The following SOD2 variants were observed in gnomAD, a reference collection of about 807,000 sequenced individuals.
SOD2 encodes superoxide dismutase [Mn], mitochondrial.
In SOD2, 11 loss-of-function variants were observed where a neutral mutation model predicts 27.0. The ratio of observed to expected loss-of-function variants is 0.41; its 90% CI spans 0.26 to 0.67. The LOEUF (loss-of-function observed/expected upper bound fraction) is 0.67. Ranked by LOEUF, SOD2 falls within the 30% of genes least tolerant of loss-of-function variation. The pLI is 0.34. For missense variants in SOD2, 250 were observed against 274.5 expected (o/e 0.91, Z 0.63); for synonymous variants, 105 against 103.0 (o/e 1.02, Z -0.12).
Position 159,711,884 on chromosome 6 carries a change from T to A in SOD2, c.-116+15245A>T, listed in dbSNP as rs546733666. Reference sequence around the variant, plus strand: ...AACCACCAGTCACACTGCTCTGATCTCCATAACCACCACTCACATTGCTCT... The same window carrying A: ...AACCACCAGTCACACTGCTCTGATCACCATAACCACCACTCACATTGCTCT... On this transcript the variant is annotated intron_variant, in intron 1 of 2. Coordinates refer to the SOD2 transcript ENST00000401980. Among the ~76,000 whole-genome samples, 102 of 118,634 alleles carry A rather than the reference T, an allele frequency of 8.6e-4. 2 individuals carry two copies. The highest frequency in any genetic ancestry group is 2.9e-3 in the African/African-American group (89 of 31,170). 77.8% of individuals were successfully genotyped at this position (118,634 alleles called of 152,430 possible).
At chr6:159,731,059 T>G (rs867881599), upstream of SOD2, 1 of 152,184 alleles carries the variant, frequency 6.6e-6, no homozygotes. Context: ...TAGAATCGCT[T>G]GAACCCGGGA....
chr6:159,729,712 G>A (rs1188126677), upstream of SOD2, among the ~76,000 whole-genome samples: 1 of 152,206 alleles, frequency 6.6e-6, no homozygotes, highest in Non-Finnish European at 1.5e-5. Flanking sequence ...GCAGATAGAG[G>A]ATAAGGAAAA....
intron 1 of SOD2, among the ~76,000 whole-genome samples, chr6:159,733,909 T>TC (rs1006867110): frequency 2.6e-5 from 4 of 151,930 alleles, no homozygotes; most frequent in Non-Finnish European, 4.4e-5. Context: ...AGAGCGAAAC[T>TC]CCATCTCCAA....
In SOD2 at chr6:159,720,847, C is replaced by CTTTTTTT. The variant is rs763455003; in HGVS notation, c.-116+6275_-116+6281dup. The stretch of plus-strand genomic sequence containing the variant: ...CACTATACAGGTGTATTTTCTTTAC[C>CTTTTTTT]TTTTTTTTTTTTTTTTTTTTTTTTT... On this transcript the variant is annotated intron_variant, in intron 1 of 2. Transcript: ENST00000401980. Among the ~76,000 whole-genome samples, 109 of 59,964 alleles carry CTTTTTTT rather than the reference C, an allele frequency of 1.8e-3. 23 individuals carry two copies. Among genetic ancestry groups the CTTTTTTT allele is most frequent in the African/African-American group, 5.3e-3 (82 of 15,488 alleles). The allele number at this position is 59,964 out of a possible 152,430, so 39.3% of individuals were successfully genotyped here. A position where few individuals can be genotyped will look rare whatever the true frequency, so the allele number is the denominator to read the frequency against.
At chr6:159,710,507 A>T (rs1357415182) in intron 1 of SOD2, among the ~76,000 whole-genome samples, 1 of 151,948 alleles carries the variant, frequency 6.6e-6, no homozygotes, top group African/African-American at 2.4e-5. Context: ...AGAATAAATT[A>T]TATTTCTCAT....
chr6:159,709,178 A>G (rs567809425), intron 1 of SOD2, among the ~76,000 whole-genome samples: 11 of 152,106 alleles, frequency 7.2e-5, no homozygotes, highest in Non-Finnish European at 1.6e-4. Context: ...AGAAAACCTA[A>G]GCAATACCAT....
At chr6:159,729,555 TATG>T (rs1337739876), upstream of SOD2, among the ~76,000 whole-genome samples, 1 of 147,768 alleles carries the variant, frequency 6.8e-6, no homozygotes, top group Non-Finnish European at 1.5e-5. Flanking sequence ...ATGTTCATAT[TATG>T]TTCATATTTT....
At chr6:159,687,162 T>C (rs560725672) in intron 3 of SOD2, among the ~76,000 whole-genome samples, 2 of 152,274 alleles carry the variant, frequency 1.3e-5, no homozygotes, top group African/African-American at 4.8e-5. Context: ...AACTATCTAA[T>C]CCAGGCCCTA....
chr6:159,719,949 C>G (rs1357428954), intron 1 of SOD2, among the ~76,000 whole-genome samples: 1 of 150,352 alleles, frequency 6.7e-6, no homozygotes, highest in Admixed American at 6.6e-5. Context: ...GTCTCGAACT[C>G]CCGACCTCAA....
chr6:159,752,547 A>T (rs1779859786), intron 1 of SOD2, among the ~76,000 whole-genome samples: 1 of 152,206 alleles, frequency 6.6e-6, no homozygotes, highest in African/African-American at 2.4e-5. Context: ...ATCTGTGGAA[A>T]GTGTGACACT....
At chr6:159,727,470 G>A, upstream of SOD2, 1 of 993,238 alleles carries the variant, frequency 1.0e-6, no homozygotes, top group Non-Finnish European at 1.2e-6. Flanking sequence ...GCGGAGCCGT[G>A]CGGCGGGGCG....
At chr6:159,733,861 A>G (rs543524525) in intron 1 of SOD2, among the ~76,000 whole-genome samples, 1 of 152,306 alleles carries the variant, frequency 6.6e-6, no homozygotes, top group Non-Finnish European at 1.5e-5. Context: ...GGTTGCGGTG[A>G]GCCGAGATCG....
intron 1 of SOD2, among the ~76,000 whole-genome samples, chr6:159,721,529 C>T (rs1261793528): frequency 4.0e-5 from 6 of 151,792 alleles, no homozygotes; most frequent in East Asian, 3.9e-4. Flanking sequence ...CCACCATGCC[C>T]GGCTAATTTT....
At chr6:159,690,695 T>C (rs1029862704) in intron 2 of SOD2, among the ~76,000 whole-genome samples, 7 of 152,306 alleles carry the variant, frequency 4.6e-5, no homozygotes, top group African/African-American at 1.4e-4. Flanking sequence ...ACTTTTCTAT[T>C]GTTTTTTAAT....
chr6:159,727,374 T>TGGCACGAGGCGGGAGGCGGGA (rs776889635), upstream of SOD2: 1 of 1,021,480 alleles, frequency 9.8e-7, no homozygotes, highest in Admixed American at 3.7e-5. Context: ...GCGGGGAGGC[T>TGGCACGAGGCGGGAGGCGGGA]GGCGGGAGGC....
chr6:159,683,556 T>C (rs1483670623), intron 4 of SOD2, among the ~76,000 whole-genome samples: 1 of 152,188 alleles, frequency 6.6e-6, no homozygotes, highest in Non-Finnish European at 1.5e-5. Flanking sequence ...TATGTCTTGA[T>C]CAGTTGTGAG....
At chr6:159,749,264 TA>T (rs1779735157), upstream of SOD2, 1 of 985,716 alleles carries the variant, frequency 1.0e-6, no homozygotes, top group Admixed American at 6.2e-5. Context: ...CTCACTGCAT[TA>T]TTTTTTTTAG....
chr6:159,734,536 G>A (rs1185338854), intron 1 of SOD2, among the ~76,000 whole-genome samples: 1 of 152,184 alleles, frequency 6.6e-6, no homozygotes, highest in East Asian at 1.9e-4. Flanking sequence ...CTAGGGCTGG[G>A]CGTGATCCTT....
In SOD2 at chr6:159,674,799, G is replaced by C. The variant is rs1326559441; in HGVS notation, c.*7694C>G. The C allele has an allele frequency of 6.6e-6, 1 of 152,234 alleles. No homozygotes were observed. The highest frequency in any genetic ancestry group is 6.5e-5 in the Admixed American group (1 of 15,276). The allele number at this position is 152,234 out of a possible 1,614,324, so 9.4% of individuals were successfully genotyped here. A position where few individuals can be genotyped will look rare whatever the true frequency, so the allele number is the denominator to read the frequency against. ...GGGTATTCAATAAGGAAAAGAGGAAGTCAAATTGTCCCTGTTTGCAGATGA... is the reference window on the plus strand; with the variant it reads ...GGGTATTCAATAAGGAAAAGAGGAACTCAAATTGTCCCTGTTTGCAGATGA... On this transcript the variant is annotated 3_prime_UTR_variant, in exon 5 of 5. Transcript: ENST00000538183.
Sources: gnomAD v4.1 joint callset for allele counts (sites outside exome capture counted in the v4.1 genomes callset) on GRCh38, gnomAD v4.1.1 for gene constraint, MANE v1.5 for transcripts, NCBI Gene and HGNC (gene_info 2026-07-23, HGNC 2026-07-21) for gene names.